Variants in PLXNA4 observed in about 807,000 individuals in gnomAD.
PLXNA4 encodes the protein plexin A4.
In PLXNA4, 44 loss-of-function variants were observed where a neutral mutation model predicts 191.8. The observed-to-expected ratio is 0.23, with a 90% CI of 0.18 to 0.29. The LOEUF (loss-of-function observed/expected upper bound fraction) is 0.29, where lower values mean the gene tolerates loss of function less well. Among genes scored for constraint, PLXNA4 ranks in the 10% least tolerant of loss-of-function variants. The pLI is 1.00. For synonymous variants in PLXNA4, 1,082 were observed against 1,009.5 expected (o/e 1.07, Z -1.36); for missense variants, 1,800 against 2,488.8 (o/e 0.72, Z 5.89).
At chr7:132,496,134 A>G (rs1798002609) in intron 2 of PLXNA4, among the ~76,000 whole-genome samples, 1 of 152,250 alleles carries the variant, frequency 6.6e-6, no homozygotes, top group Non-Finnish European at 1.5e-5. Context: ...CTTGGGGAGC[A>G]GGCATGACTT....
intron 5 of PLXNA4, among the ~76,000 whole-genome samples, chr7:132,240,865 G>A (rs1486187859): frequency 6.6e-6 from 1 of 152,096 alleles, no homozygotes; most frequent in Non-Finnish European, 1.5e-5. Flanking sequence ...TATTTCTTAA[G>A]GGAATTTGGC....
At position 132,265,017 on chromosome 7, in the gene PLXNA4, T is replaced by C. The variant is rs574854370; in HGVS notation, c.1504-23851A>G. On this transcript the variant is annotated intron_variant, in intron 4 of 31. Coordinates refer to ENST00000321063, the MANE Select transcript of PLXNA4 (RefSeq NM_020911.2). ...CCCTGTCTGTCCCTTTTAATGCTAA[T>C]AGAGAAACTTGATCCCAGAAGTAGA... is the stretch of plus-strand genomic sequence containing the variant. Among the ~76,000 whole-genome samples the C allele has an allele frequency of 7.2e-5, 11 of 152,282 alleles. No homozygotes were observed. The East Asian group carries it at 1.4e-3, about 19-fold the overall frequency.
chr7:132,201,319 C>T (rs1797425244), intron 12 of PLXNA4, among the ~76,000 whole-genome samples: 1 of 152,126 alleles, frequency 6.6e-6, no homozygotes, highest in African/African-American at 2.4e-5. Context: ...TACCTTGTGA[C>T]GGCAGCCCTG....
intron 2 of PLXNA4, among the ~76,000 whole-genome samples, chr7:132,602,921 A>G (rs1053891618): frequency 2.6e-5 from 4 of 152,220 alleles, no homozygotes; most frequent in African/African-American, 9.6e-5. Context: ...TCTATGAACC[A>G]GAAGAAACAT....
At chr7:132,592,245 CT>C (rs1010831754) in intron 2 of PLXNA4, among the ~76,000 whole-genome samples, 131 of 152,264 alleles carry the variant, frequency 8.6e-4, no homozygotes, top group African/African-American at 3.0e-3. Context: ...ACTCAAAGCA[CT>C]TTAGAAAGAG....
intron 2 of PLXNA4, among the ~76,000 whole-genome samples, chr7:132,582,978 G>C (rs1802433565): frequency 6.6e-6 from 1 of 152,176 alleles, no homozygotes; most frequent in Non-Finnish European, 1.5e-5. Context: ...AAACCTCTTA[G>C]TACATCTCAG....
At chr7:132,530,482 G>A (rs747721421) in intron 1 of PLXNA4, among the ~76,000 whole-genome samples, 8 of 152,082 alleles carry the variant, frequency 5.3e-5, no homozygotes. Flanking sequence ...ATATATAAAT[G>A]GTCAATCTGC....
intron 12 of PLXNA4, among the ~76,000 whole-genome samples, chr7:132,199,842 T>A (rs1409076105): frequency 6.6e-6 from 1 of 152,106 alleles, no homozygotes; most frequent in Non-Finnish European, 1.5e-5. Flanking sequence ...CTCCTACACA[T>A]CCCCGTGAGG....
At chr7:132,155,222 G>A (rs1039761106) in intron 25 of PLXNA4, among the ~76,000 whole-genome samples, 14 of 152,162 alleles carry the variant, frequency 9.2e-5, no homozygotes, top group South Asian at 4.2e-4. Flanking sequence ...GAAATGGGTC[G>A]CAGAGGAGAC....
intron 3 of PLXNA4, among the ~76,000 whole-genome samples, chr7:132,390,052 C>A (rs978199699): frequency 6.6e-6 from 1 of 152,176 alleles, no homozygotes; most frequent in African/African-American, 2.4e-5. Flanking sequence ...TTTGACCCAG[C>A]AATCCCATCA....
intron 4 of PLXNA4, among the ~76,000 whole-genome samples, chr7:132,293,257 G>A (rs1032409525): frequency 3.3e-5 from 5 of 152,070 alleles, no homozygotes; most frequent in Non-Finnish European, 7.4e-5. Context: ...TCATGCTGCT[G>A]AAAAAAACAT....
chr7:132,406,692 A>AG (rs1364122878), intron 3 of PLXNA4, among the ~76,000 whole-genome samples: 1 of 152,178 alleles, frequency 6.6e-6, no homozygotes, highest in Non-Finnish European at 1.5e-5. Context: ...AGGTTAAAAG[A>AG]GCATGACCCA....
chr7:132,296,003 C>T (rs1446452185), intron 4 of PLXNA4, among the ~76,000 whole-genome samples: 2 of 152,210 alleles, frequency 1.3e-5, no homozygotes, highest in African/African-American at 2.4e-5. Flanking sequence ...GATTCCCACT[C>T]AGACATTTCA....
chr7:132,625,310 G>T (rs1302521673), intron 2 of PLXNA4, among the ~76,000 whole-genome samples: 2 of 152,112 alleles, frequency 1.3e-5, no homozygotes, highest in Non-Finnish European at 2.9e-5. Flanking sequence ...AATTATGAAG[G>T]TCAAGGGATC....
intron 4 of PLXNA4, among the ~76,000 whole-genome samples, chr7:132,260,620 C>T (rs756810548): frequency 5.3e-5 from 8 of 151,280 alleles, no homozygotes; most frequent in South Asian, 4.2e-4. Context: ...CAGCGACACG[C>T]GATTTACCCA....
chr7:132,206,671 T>A (rs891946850), intron 10 of PLXNA4, among the ~76,000 whole-genome samples: 2 of 151,890 alleles, frequency 1.3e-5, no homozygotes, highest in African/African-American at 4.8e-5. Flanking sequence ...TCCTGGAGGC[T>A]CTCTCTCCTG....
At chr7:132,149,451 AT>A (rs1446905467) in intron 25 of PLXNA4, among the ~76,000 whole-genome samples, 2 of 152,178 alleles carry the variant, frequency 1.3e-5, no homozygotes, top group African/African-American at 4.8e-5. Flanking sequence ...AGAAGTGCAC[AT>A]TCTTATCTCG....
chr7:132,491,878 G>A (rs1346308749), intron 2 of PLXNA4, among the ~76,000 whole-genome samples: 3 of 152,186 alleles, frequency 2.0e-5, no homozygotes, highest in African/African-American at 7.2e-5. Context: ...AAAGGGAGGA[G>A]TAGAAGAAAG....
chr7:132,164,361 A>G (rs1796037479), intron 23 of PLXNA4, 73 bp from the exon 24 acceptor site: 8 of 1,571,072 alleles, frequency 5.1e-6, no homozygotes, highest in Non-Finnish European at 5.2e-6. Flanking sequence ...CTGCTTCTCC[A>G]AAGGGCTGCT....
Sources: gnomAD v4.1 joint callset for allele counts (sites outside exome capture counted in the v4.1 genomes callset) on GRCh38, gnomAD v4.1.1 for gene constraint, MANE v1.5 for transcripts, NCBI Gene and HGNC (gene_info 2026-07-23, HGNC 2026-07-21) for gene names.